FAM83F: variants seen among roughly 807,000 people sequenced by gnomAD.
FAM83F encodes the protein scaffolding CK1 anchoring protein F.
Under a neutral mutation model 42.9 loss-of-function variants are expected in FAM83F, and 45 were observed. That is an observed-to-expected ratio of 1.05 (90% CI 0.83 to 1.35). The LOEUF (loss-of-function observed/expected upper bound fraction) is 1.35, where lower values mean the gene tolerates loss of function less well. Among genes scored for constraint, FAM83F ranks in the 40% most tolerant of loss-of-function variants. FAM83F has a pLI of 0.00. For synonymous variants in FAM83F, 306 were observed against 298.3 expected, an observed-to-expected ratio of 1.03 and a Z score of -0.27; for missense variants, 617 against 695.9, an observed-to-expected ratio of 0.89 and a Z score of 1.28.
intron 1 of FAM83F, among the ~76,000 whole-genome samples, chr22:40,001,214 T>C (rs929834498): frequency 1.2e-4 from 18 of 152,222 alleles, no homozygotes; most frequent in African/African-American, 4.3e-4. Context: ...AGACAGACTC[T>C]GAAGTTGAAA....
rs1425448900 is a variant in FAM83F at position 40,042,494 on chromosome 22, T to C, written c.*12929T>C. 1 of 152,262 alleles carries C rather than the reference T, an allele frequency of 6.6e-6. No individual in the cohort carries two copies. Among genetic ancestry groups the C allele is most frequent in the Non-Finnish European group, 1.5e-5 (1 of 68,060 alleles). 9.4% of individuals were successfully genotyped at this position (152,262 alleles called of 1,614,324 possible). A position where few individuals can be genotyped will look rare whatever the true frequency, so the allele number is the denominator to read the frequency against. ...GTCACTTCTTCCAGGAAGCCATTTC[T>C]GTCCCTCCCGAGATGGAGTCCCATG... is the stretch of plus-strand genomic sequence containing the variant. On this transcript the variant is annotated 3_prime_UTR_variant, in exon 5 of 5. Coordinates refer to ENST00000333407, the MANE Select transcript of FAM83F (RefSeq NM_138435.4).
chr22:40,004,493 T>G (rs1569229978), intron 1 of FAM83F, among the ~76,000 whole-genome samples: 1 of 151,894 alleles, frequency 6.6e-6, no homozygotes, highest in Admixed American at 6.6e-5. Context: ...AGTAGAGACG[T>G]GGTTTCACCA....
intron 4 of FAM83F, among the ~76,000 whole-genome samples, chr22:40,024,277 A>C (rs2067538289): frequency 6.6e-6 from 1 of 152,126 alleles, no homozygotes; most frequent in South Asian, 2.1e-4. Flanking sequence ...GATTATAGGC[A>C]CAAGCCACCG....
intron 1 of FAM83F, among the ~76,000 whole-genome samples, chr22:40,018,687 G>T (rs1338449971): frequency 2.0e-5 from 3 of 151,754 alleles, no homozygotes; most frequent in African/African-American, 7.3e-5. Context: ...CTGCCTCCAG[G>T]TTCAGGCAAT....
chr22:40,041,223 A>G lies in FAM83F; in HGVS notation c.*11658A>G, dbSNP rs1037722718. On this transcript the variant is annotated 3_prime_UTR_variant, in exon 5 of 5. Coordinates refer to ENST00000333407, the MANE Select transcript of FAM83F (RefSeq NM_138435.4). ...GAATAGCACAGCGCTCCAAGAACAT[A>G]GTGCACTTGGCCTGCATACAAGTGT... 2.0e-5 allele frequency: 3 copies of G among 152,172 alleles called. No individual in the cohort carries two copies. The highest frequency in any genetic ancestry group is 7.2e-5 in the African/African-American group (3 of 41,438). 9.4% of individuals were successfully genotyped at this position (152,172 alleles called of 1,614,324 possible). A position where few individuals can be genotyped will look rare whatever the true frequency, so the allele number is the denominator to read the frequency against.
chr22:40,024,819 G>A (rs2067541939), intron 4 of FAM83F, among the ~76,000 whole-genome samples: 1 of 152,192 alleles, frequency 6.6e-6, no homozygotes, highest in Non-Finnish European at 1.5e-5. Context: ...TTGATAAGGA[G>A]TATATAGTTG....
chr22:40,039,156 G>C lies in FAM83F; in HGVS notation c.*9591G>C, dbSNP rs562022706. 1 of 152,336 alleles carries C rather than the reference G, an allele frequency of 6.6e-6. No individual in the cohort carries two copies. The highest frequency in any genetic ancestry group is 1.9e-4 in the East Asian group (1 of 5,186). 9.4% of individuals were successfully genotyped at this position (152,336 alleles called of 1,614,324 possible). On this transcript the variant is annotated 3_prime_UTR_variant, in exon 5 of 5. Coordinates refer to ENST00000333407, the MANE Select transcript of FAM83F (RefSeq NM_138435.4). The stretch of plus-strand genomic sequence containing the variant: ...GAGTCTCCCTTTGTTGCCCAGGCTT[G>C]AGTGCAGTGGCGCGATCTCAGCTCA...
chr22:39,999,394 C>T (rs938287075), intron 1 of FAM83F, among the ~76,000 whole-genome samples: 1 of 152,330 alleles, frequency 6.6e-6, no homozygotes. Flanking sequence ...GCTTTGGGAA[C>T]AGAGGCAAGT....
rs2067383608 is a variant in FAM83F at position 39,998,858 on chromosome 22, A to C, written c.489+3327A>C. 2.0e-5 allele frequency: 3 copies of C among 152,210 alleles called. No individual in the cohort carries two copies. In the South Asian group the frequency reaches 6.2e-4, roughly 31 times the overall value. 9.4% of individuals were successfully genotyped at this position (152,210 alleles called of 1,614,324 possible). On this transcript the variant is annotated intron_variant, in intron 1 of 4. Transcript: ENST00000333407. Reference sequence around the variant, plus strand: ...CTGACCTATGCTACGCTAACAAAGAAGACCAGGGGAAGTTGCTGATGCATG... The same window carrying C: ...CTGACCTATGCTACGCTAACAAAGACGACCAGGGGAAGTTGCTGATGCATG...
chr22:40,001,418 C>T (rs951180313), intron 1 of FAM83F, among the ~76,000 whole-genome samples: 2 of 152,142 alleles, frequency 1.3e-5, no homozygotes, highest in African/African-American at 2.4e-5. Context: ...GCGGGCAGAT[C>T]GCTTGAGCTG....
intron 1 of FAM83F, among the ~76,000 whole-genome samples, chr22:40,000,990 T>C (rs56194086): frequency 6.6e-6 from 1 of 152,360 alleles, no homozygotes; most frequent in Non-Finnish European, 1.5e-5. Context: ...TTCAGAGTCC[T>C]TGCTGCATTA....
chr22:40,008,499 G>C (rs2067447657), intron 1 of FAM83F, among the ~76,000 whole-genome samples: 2 of 152,174 alleles, frequency 1.3e-5, no homozygotes, highest in South Asian at 4.1e-4. Context: ...AGGTAACTGA[G>C]ACCCAGTAGA....
Position 40,021,617 on chromosome 22 carries a change from G to A in FAM83F, c.1107G>A (p.Trp369Ter). 2 of 1,586,828 alleles carry A rather than the reference G, an allele frequency of 1.3e-6. No individual in the cohort carries two copies. The highest frequency in any genetic ancestry group is 1.7e-6 in the Non-Finnish European group (2 of 1,161,240). The change falls in exon 4 of 5, where the codon TGG becomes TGA. Residue 369 changes from tryptophan to a stop codon, truncating the protein, a stop_gained. Coordinates refer to ENST00000333407, the MANE Select transcript of FAM83F (RefSeq NM_138435.4). LOFTEE classifies it high-confidence loss of function. The surrounding 1 kb of genome is among the most constrained non-coding windows in gnomAD (Gnocchi z 8.7). ...GCGCCAGCGGTGGCGAGTCGGCCTG[G>A]CGCCTGGAGAGCTTCCTGAAAGACC... Reference protein sequence around the residue: ...EEGASGGESAWRLESFLKDLV... With the variant: ...EEGASGGESA
chr22:40,022,155 G>A (rs1048173909), intron 4 of FAM83F, among the ~76,000 whole-genome samples, 192 bp downstream of exon 4: 1 of 150,744 alleles, frequency 6.6e-6, no homozygotes, highest in Non-Finnish European at 1.5e-5. Flanking sequence ...CTGCCTGGAG[G>A]CCTTGGGCAA....
intron 1 of FAM83F, among the ~76,000 whole-genome samples, chr22:40,000,005 A>G (rs2067390988): frequency 6.6e-6 from 1 of 152,200 alleles, no homozygotes; most frequent in Non-Finnish European, 1.5e-5. Context: ...ACTTTGGAAA[A>G]GAGAGACTGG....
chr22:40,000,039 G>A (rs984556135), intron 1 of FAM83F, among the ~76,000 whole-genome samples: 7 of 152,152 alleles, frequency 4.6e-5, no homozygotes, highest in Admixed American at 6.5e-5. Context: ...TTTCCTTTCC[G>A]GTACCCGAAC....
chr22:40,011,873 A>G (rs2067466468), intron 1 of FAM83F, among the ~76,000 whole-genome samples: 1 of 152,200 alleles, frequency 6.6e-6, no homozygotes, highest in African/African-American at 2.4e-5. Context: ...AGAGATTCCC[A>G]GGGGTGCACG....
At position 40,033,087 on chromosome 22, in the gene FAM83F, G is replaced by A. The variant is rs1398947229; in HGVS notation, c.*3522G>A. ...TGTATGATGAGAAGCGCAAGTAATT[G>A]TTTTGTTTTTTTTTTGAGACAATGT... On this transcript the variant is annotated 3_prime_UTR_variant, in exon 5 of 5. Transcript: ENST00000333407. 1 of 149,550 alleles carries A rather than the reference G, an allele frequency of 6.7e-6. No homozygotes were observed. The highest frequency in any genetic ancestry group is 1.5e-5 in the Non-Finnish European group (1 of 66,788). The allele number at this position is 149,550 out of a possible 1,614,324, so 9.3% of individuals were successfully genotyped here. A position where few individuals can be genotyped will look rare whatever the true frequency, so the allele number is the denominator to read the frequency against.
chr22:40,030,876 A>C lies in FAM83F; in HGVS notation c.*1311A>C, dbSNP rs944679007. On this transcript the variant is annotated 3_prime_UTR_variant, in exon 5 of 5. Coordinates refer to ENST00000333407, the MANE Select transcript of FAM83F (RefSeq NM_138435.4). ...CTTTCCTTCTAAAAAACCCTAGGAC[A>C]CTACCAGCACCTGGGGGAGGGGTAC... 2 of 152,310 alleles carry C rather than the reference A, an allele frequency of 1.3e-5. No individual in the cohort carries two copies. The highest frequency in any genetic ancestry group is 2.9e-5 in the Non-Finnish European group (2 of 68,142). The allele number at this position is 152,310 out of a possible 1,614,324, so 9.4% of individuals were successfully genotyped here. A position where few individuals can be genotyped will look rare whatever the true frequency, so the allele number is the denominator to read the frequency against.
Sources: gnomAD v4.1 joint callset for allele counts (sites outside exome capture counted in the v4.1 genomes callset) on GRCh38, gnomAD v4.1.1 for gene constraint, Gnocchi (gnomAD v3.1) non-coding constraint, MANE v1.5 for transcripts, NCBI Gene and HGNC (gene_info 2026-07-23, HGNC 2026-07-21) for gene names.